Variants in POGZ observed in about 807,000 individuals in gnomAD.
POGZ encodes the protein pogo transposable element derived with ZNF domain, also known as pogo transposable element with ZNF domain.
POGZ carries 17 observed loss-of-function variants against 134.6 expected under a neutral mutation model. The observed-to-expected ratio is 0.13, with a 90% CI of 0.09 to 0.19. POGZ has a LOEUF of 0.19. Ranked by LOEUF, POGZ falls within the 10% of genes least tolerant of loss-of-function variation. The pLI is 1.00. For synonymous variants in POGZ, 693 were observed against 657.1 expected (o/e 1.05, Z -0.84); for missense variants, 1,306 against 1,769.7 (o/e 0.74, Z 4.70).
At chr1:151,415,587 C>T (rs367688462) in intron 10 of POGZ, among the ~76,000 whole-genome samples, 4 of 147,990 alleles carry the variant, frequency 2.7e-5, no homozygotes, top group East Asian at 4.0e-4. Flanking sequence ...AGAAGAATGG[C>T]GTGAACCCAG....
chr1:151,408,254 A>G lies in POGZ; in HGVS notation c.2235-14T>C. The G allele has an allele frequency of 6.2e-7, 1 of 1,603,536 alleles. No homozygotes were observed. Among genetic ancestry groups the G allele is most frequent in the Non-Finnish European group, 8.5e-7 (1 of 1,177,066 alleles). On this transcript the variant is annotated splice_polypyrimidine_tract_variant and intron_variant, in intron 14 of 18. Coordinates refer to ENST00000271715, the MANE Select transcript of POGZ (RefSeq NM_015100.4). ...CCCATGACACTCCTGTGGGGGAAAA[A>G]AAAAAAGAATTCTCATTACTGCCTC...
chr1:151,421,121 T>C (rs905349600), intron 10 of POGZ, among the ~76,000 whole-genome samples: 2 of 152,024 alleles, frequency 1.3e-5, no homozygotes, highest in Non-Finnish European at 2.9e-5. Flanking sequence ...GTGAATGTGG[T>C]GTCTCTCTCA....
chr1:151,447,919 T>A (rs1283891583), intron 1 of POGZ, among the ~76,000 whole-genome samples: 1 of 152,118 alleles, frequency 6.6e-6, no homozygotes, highest in African/African-American at 2.4e-5. Context: ...ATAAAATCTT[T>A]GCTGATAGTC....
At position 151,406,444 on chromosome 1, in the gene POGZ, C is replaced by T. The variant is rs753214391; in HGVS notation, c.2591G>A (p.Arg864Gln). 12 of 1,549,252 alleles carry T rather than the reference C, an allele frequency of 7.7e-6. No individual in the cohort carries two copies. The highest frequency in any genetic ancestry group is 4.1e-5 in the African/African-American group (3 of 72,474). ...AHSRHGQTRD[R>Q]VHDRNVKNMY... ...ATTCTTCACGTTCCGGTCATGCACTCGGTCACGAGTCTGGCCATGCCTAAA... is the reference window on the plus strand; with the variant it reads ...ATTCTTCACGTTCCGGTCATGCACTTGGTCACGAGTCTGGCCATGCCTAAA... The change falls in exon 19 of 19, where the codon CGA becomes CAA. Residue 864 changes from arginine (R) to glutamine (Q), a missense_variant. Physicochemically the swap from Arg to Gln is conservative, Grantham distance 43. Coordinates refer to ENST00000271715, the MANE Select transcript of POGZ (RefSeq NM_015100.4).
At chr1:151,454,255 A>T (rs1662500106) in intron 1 of POGZ, among the ~76,000 whole-genome samples, 1 of 152,224 alleles carries the variant, frequency 6.6e-6, no homozygotes, top group South Asian at 2.1e-4. Flanking sequence ...CAGGGTGAAA[A>T]ATAAACAATG....
chr1:151,408,905 A>G, intron 12 of POGZ, 77 bp from the exon 13 acceptor site: 1 of 1,251,012 alleles, frequency 8.0e-7, no homozygotes, highest in Non-Finnish European at 1.1e-6. Context: ...AGGAGAAAGC[A>G]GATCAATGTC....
At chr1:151,444,962 G>A (rs1188915427) in intron 1 of POGZ, among the ~76,000 whole-genome samples, 3 of 152,024 alleles carry the variant, frequency 2.0e-5, no homozygotes, top group Non-Finnish European at 2.9e-5. Flanking sequence ...AGGAGTTCGA[G>A]GTTACAGTGA....
At chr1:151,457,082 G>T (rs958996707) in intron 1 of POGZ, among the ~76,000 whole-genome samples, 1 of 152,046 alleles carries the variant, frequency 6.6e-6, no homozygotes, top group Admixed American at 6.6e-5. Flanking sequence ...ACCCTGAAAG[G>T]GTAAGAGGAG....
intron 1 of POGZ, among the ~76,000 whole-genome samples, chr1:151,458,693 C>A (rs1440230623): frequency 1.4e-5 from 2 of 145,344 alleles, no homozygotes; most frequent in African/African-American, 4.9e-5. Flanking sequence ...CGCGCCCCCG[C>A]CCCCGCCCCT....
chr1:151,407,718 T>C (rs954011383), intron 15 of POGZ, among the ~76,000 whole-genome samples: 1 of 152,038 alleles, frequency 6.6e-6, no homozygotes, highest in African/African-American at 2.4e-5. Context: ...TGCTCAAGAA[T>C]CTGGCTGGGG....
In POGZ at chr1:151,423,406, C is replaced by T. The variant is rs1187820557; in HGVS notation, c.1669G>A (p.Glu557Lys). 1.9e-6 allele frequency: 3 copies of T among 1,613,980 alleles called. No individual in the cohort carries two copies. The highest frequency in any genetic ancestry group is 1.7e-6 in the Non-Finnish European group (2 of 1,179,878). The change falls in exon 10 of 19, where the codon GAA (glutamate) becomes AAA (lysine). Residue 557 changes from glutamate (E) to lysine (K), a missense_variant. By Grantham distance (56) the Glu-to-Lys change is moderately conservative. Around this residue, in one of 10 missense-constraint regions of POGZ, gnomAD observed 541 missense variants for 680.5 expected, o/e 0.80. Coordinates refer to ENST00000271715, the MANE Select transcript of POGZ (RefSeq NM_015100.4). ...GAGTTTCCAAACTTACTAGTAGATT[C>T]ATAGGGACTATGAACATTTTCCAAG... ...CHLENVHSPY[E>K]STTKCKICEW... is the part of the protein sequence containing the mutation.
At chr1:151,418,885 C>T (rs916788394) in intron 10 of POGZ, among the ~76,000 whole-genome samples, 63 of 150,816 alleles carry the variant, frequency 4.2e-4, no homozygotes, top group African/African-American at 1.4e-3. Context: ...ATTAGCCGGG[C>T]ATGGTGGTGG....
intron 3 of POGZ, among the ~76,000 whole-genome samples, chr1:151,440,176 T>C (rs1408412474): frequency 2.6e-5 from 4 of 151,860 alleles, no homozygotes. Flanking sequence ...GGTTAAACAT[T>C]TTTTTGTTCC....
In POGZ at chr1:151,419,668, C is replaced by CAAAA. The variant is rs59593149; in HGVS notation, c.1678+3725_1678+3728dup. Among the ~76,000 whole-genome samples the CAAAA allele has an allele frequency of 6.0e-3, 260 of 43,646 alleles. 87 individuals carry two copies. The highest frequency in any genetic ancestry group is 0.01 in the South Asian group (6 of 596). 28.6% of individuals were successfully genotyped at this position (43,646 alleles called of 152,430 possible). ...TGGCTAACAGAGTGAGACCCTGTCT[C>CAAAA]AAAAAAAAAAAAAAAAAAAAAAAAA... On this transcript the variant is annotated intron_variant, in intron 10 of 18. Transcript: ENST00000271715.
chr1:151,409,198 T>G (rs577836568), intron 12 of POGZ, among the ~76,000 whole-genome samples: 4 of 152,176 alleles, frequency 2.6e-5, no homozygotes, highest in Non-Finnish European at 5.9e-5. Context: ...AAAAGGACAA[T>G]GTACATAGTA....
rs772797474 is a variant in POGZ, at chr1:151,405,843, C to A, written c.3192G>T (p.Gly1064=). The part of the protein sequence containing the change: ...ATKIGRSLEG[G]FKISYEWAVR... Reference sequence around the variant, plus strand: ...CAGCCCACTCATAGGAGATCTTAAACCCCCCTTCCAAAGAACGTCCTATTT... The same window carrying A: ...CAGCCCACTCATAGGAGATCTTAAAACCCCCTTCCAAAGAACGTCCTATTT... Residue 1064 remains glycine, a synonymous_variant, in exon 19 of 19, where the codon GGG becomes GGT. Coordinates refer to ENST00000271715, the MANE Select transcript of POGZ (RefSeq NM_015100.4). The surrounding 1 kb of genome is among the most constrained non-coding windows in gnomAD (Gnocchi z 4.9). The A allele has an allele frequency of 6.2e-7, 1 of 1,614,094 alleles. No individual in the cohort carries two copies. Among genetic ancestry groups the A allele is most frequent in the Non-Finnish European group, 8.5e-7 (1 of 1,180,010 alleles).
intron 12 of POGZ, among the ~76,000 whole-genome samples, chr1:151,410,993 T>C (rs1052740772): frequency 1.3e-5 from 2 of 152,210 alleles, no homozygotes. Context: ...CCTAAACTAC[T>C]GAAAAAGGCC....
chr1:151,407,680 T>G (rs1279139467), intron 15 of POGZ, among the ~76,000 whole-genome samples: 1 of 152,036 alleles, frequency 6.6e-6, no homozygotes, highest in Non-Finnish European at 1.5e-5. Flanking sequence ...AGGAAACATA[T>G]TAGAAGCAGG....
chr1:151,458,334 A>C (rs1157940835), intron 1 of POGZ, among the ~76,000 whole-genome samples: 1 of 152,144 alleles, frequency 6.6e-6, no homozygotes, highest in African/African-American at 2.4e-5. Flanking sequence ...TAATCACCAG[A>C]AAATAAAGAT....
Sources: allele counts gnomAD v4.1 joint callset (sites outside exome capture counted in the v4.1 genomes callset), GRCh38; gene constraint gnomAD v4.1.1; regional missense constraint gnomAD v4.1.1; non-coding constraint Gnocchi (gnomAD v3.1); transcripts MANE v1.5; gene names NCBI Gene and HGNC (gene_info 2026-07-23, HGNC 2026-07-21).